RTRAF: variants seen among roughly 807,000 people sequenced by gnomAD.
RTRAF encodes tRNA-splicing ligase complex subunit RTRAF.
Under a neutral mutation model 34.4 loss-of-function variants are expected in RTRAF, and 14 were observed. That is an observed-to-expected ratio of 0.41 (90% CI 0.27 to 0.64). The LOEUF (loss-of-function observed/expected upper bound fraction) is 0.64, where lower values mean the gene tolerates loss of function less well. Among genes scored for constraint, RTRAF ranks in the 30% least tolerant of loss-of-function variants. The probability of loss-of-function intolerance (pLI) is 0.34; values close to 1 mark genes in which losing one functional copy is unlikely to be tolerated. For missense variants in RTRAF, 291 were observed against 288.4 expected (o/e 1.01, Z -0.06); for synonymous variants, 96 against 95.3 (o/e 1.01, Z -0.04).
chr14:51,993,734 T>C lies in RTRAF; in HGVS notation c.198T>C (p.Asp66=), dbSNP rs762912175. 16 of 1,592,422 alleles carry C rather than the reference T, an allele frequency of 1.0e-5. No homozygotes were observed. The highest frequency in any genetic ancestry group is 2.3e-5 in the East Asian group (1 of 44,270). Residue 66 remains aspartate, a synonymous_variant, in exon 3 of 8, where the codon GAT becomes GAC. Coordinates refer to ENST00000261700, the MANE Select transcript of RTRAF (RefSeq NM_016039.3). Reference sequence around the variant, plus strand: ...CTTCCCCCTCACAGTATCTCAGAGATGTTAACTGTCCTTTCAAGATTCAAG... The same window carrying C: ...CTTCCCCCTCACAGTATCTCAGAGACGTTAACTGTCCTTTCAAGATTCAAG... The part of the protein sequence containing the change: ...WPKFFEKYLR[D]VNCPFKIQDR...
chr14:52,002,838 CTA>C (rs1890621963), intron 6 of RTRAF, among the ~76,000 whole-genome samples: 1 of 152,172 alleles, frequency 6.6e-6, no homozygotes, highest in Non-Finnish European at 1.5e-5. Context: ...TAAAAGGTTA[CTA>C]ATGCCAGGGC....
rs1309323090 is a variant in RTRAF at position 52,009,775 on chromosome 14, C to G, written c.*5259C>G. ...CTTTGGGAGGCCAAGGCAGGTGGAT[C>G]ACCCAGGGTCAGGAGTTGGAGACCA... On this transcript the variant is annotated 3_prime_UTR_variant, in exon 8 of 8. Transcript: ENST00000261700. 6.6e-6 allele frequency: 1 copy of G among 152,272 alleles called. No homozygotes were observed. Among genetic ancestry groups the G allele is most frequent in the African/African-American group, 2.4e-5 (1 of 41,414 alleles). The allele number at this position is 152,272 out of a possible 1,614,324, so 9.4% of individuals were successfully genotyped here. A position where few individuals can be genotyped will look rare whatever the true frequency, so the allele number is the denominator to read the frequency against.
At chr14:51,998,435 A>G in intron 3 of RTRAF, 59 bp from the exon 4 acceptor site, 1 of 932,416 alleles carries the variant, frequency 1.1e-6, no homozygotes, top group Non-Finnish European at 1.6e-6. Context: ...GGTAAATAGC[A>G]GTAGTCATTT....
rs1890787141 is a variant in RTRAF at position 52,006,474 on chromosome 14, CAAG to C, written c.*1959_*1961del. On this transcript the variant is annotated 3_prime_UTR_variant, in exon 8 of 8. Coordinates refer to ENST00000261700, the MANE Select transcript of RTRAF (RefSeq NM_016039.3). ...AGTCAGGTACTGACTTTTGGTAAAA[CAAG>C]TGGTGTGTCCTCTGGAACAGTTGGC... 2 of 1,590,514 alleles carry C rather than the reference CAAG, an allele frequency of 1.3e-6. No homozygotes were observed. Among genetic ancestry groups the C allele is most frequent in the Non-Finnish European group, 1.7e-6 (2 of 1,166,960 alleles).
chr14:51,989,830 C>G lies in RTRAF; in HGVS notation c.61+130C>G, dbSNP rs557170874. The G allele has an allele frequency of 9.8e-5, 87 of 889,328 alleles. No homozygotes were observed. The African/African-American group carries it at 1.3e-3, about 13-fold the overall frequency. The allele number at this position is 889,328 out of a possible 1,614,324, so 55.1% of individuals were successfully genotyped here. A position where few individuals can be genotyped will look rare whatever the true frequency, so the allele number is the denominator to read the frequency against. On this transcript the variant is annotated intron_variant, in intron 1 of 7. Coordinates refer to ENST00000261700, the MANE Select transcript of RTRAF (RefSeq NM_016039.3). Reference sequence around the variant, plus strand: ...TTCCGCCGGCAGCCTCCGGGCCCCTCTCCTCTGGGTCGCCACGTACCTCGG... The same window carrying G: ...TTCCGCCGGCAGCCTCCGGGCCCCTGTCCTCTGGGTCGCCACGTACCTCGG...
Position 52,004,679 on chromosome 14 carries a change from A to T in RTRAF, c.*163A>T. ...TTGCTTATTGCTTTTTTCTTTAATA[A>T]AGTTTAGGAAAGTAGAATTTTTATT... On this transcript the variant is annotated 3_prime_UTR_variant, in exon 8 of 8. Coordinates refer to ENST00000261700, the MANE Select transcript of RTRAF (RefSeq NM_016039.3). 1 of 606,466 alleles carries T rather than the reference A, an allele frequency of 1.6e-6. No individual in the cohort carries two copies. 37.6% of individuals were successfully genotyped at this position (606,466 alleles called of 1,614,324 possible). A position where few individuals can be genotyped will look rare whatever the true frequency, so the allele number is the denominator to read the frequency against.
rs772532579 is a variant in RTRAF at position 51,991,408 on chromosome 14, C to A, written c.153C>A (p.Ile51=). Residue 51 remains isoleucine (I), a synonymous_variant, in exon 2 of 8, where the codon ATC becomes ATA. Coordinates refer to ENST00000261700, the MANE Select transcript of RTRAF (RefSeq NM_016039.3). ...KIEDRGNLRN[I]HSSDWPKFFE... ...AAGACAGAGGGAATTTAAGAAACATCCACAGCAGCGACTGGCCCAAGTTCT... is the reference window on the plus strand; with the variant it reads ...AAGACAGAGGGAATTTAAGAAACATACACAGCAGCGACTGGCCCAAGTTCT... 5 of 1,613,428 alleles carry A rather than the reference C, an allele frequency of 3.1e-6. 1 individual carries two copies. The highest frequency in any genetic ancestry group is 2.5e-6 in the Non-Finnish European group (3 of 1,179,516).
In RTRAF at chr14:51,991,308, T is replaced by C; in HGVS notation, c.62-9T>C. Reference sequence around the variant, plus strand: ...CTTCTAGTTATTTATGTGATATTTTTTATTGCAGATGAAACAGAATTTAGA... The same window carrying C: ...CTTCTAGTTATTTATGTGATATTTTCTATTGCAGATGAAACAGAATTTAGA... On this transcript the variant is annotated splice_polypyrimidine_tract_variant and intron_variant, in intron 1 of 7. Transcript: ENST00000261700. The C allele has an allele frequency of 6.2e-7, 1 of 1,611,824 alleles. No individual in the cohort carries two copies. The highest frequency in any genetic ancestry group is 8.5e-7 in the Non-Finnish European group (1 of 1,178,400).
Position 52,004,508 on chromosome 14 carries a change from G to A in RTRAF, c.727G>A (p.Gly243Arg). Residue 243 changes from glycine to arginine, a missense_variant, in exon 8 of 8, where the codon GGA (glycine) becomes AGA (arginine). Coordinates refer to ENST00000261700, the MANE Select transcript of RTRAF (RefSeq NM_016039.3). ...PKTDHRLGKV[G>R]R ...GACAGACCACAGACTGGGAAAAGTT[G>A]GAAGATGAACACTTGAGGACTTCAG... The A allele has an allele frequency of 1.2e-6, 2 of 1,612,736 alleles. No individual in the cohort carries two copies. Among genetic ancestry groups the A allele is most frequent in the South Asian group, 1.1e-5 (1 of 90,966 alleles).
At position 52,005,916 on chromosome 14, in the gene RTRAF, C is replaced by G; in HGVS notation, c.*1400C>G. The G allele has an allele frequency of 8.3e-7, 1 of 1,205,288 alleles. No homozygotes were observed. Among genetic ancestry groups the G allele is most frequent in the Non-Finnish European group, 1.2e-6 (1 of 817,740 alleles). The allele number at this position is 1,205,288 out of a possible 1,614,324, so 74.7% of individuals were successfully genotyped here. Reference sequence around the variant, plus strand: ...ACTAGATAAAGAAGTCAGTCAGCCACAGAAAATCAGTTGCAATAGAGGAAA... The same window carrying G: ...ACTAGATAAAGAAGTCAGTCAGCCAGAGAAAATCAGTTGCAATAGAGGAAA... On this transcript the variant is annotated 3_prime_UTR_variant, in exon 8 of 8. Coordinates refer to ENST00000261700, the MANE Select transcript of RTRAF (RefSeq NM_016039.3).
At chr14:51,994,450 C>G (rs1017181830) in intron 3 of RTRAF, among the ~76,000 whole-genome samples, 3 of 152,166 alleles carry the variant, frequency 2.0e-5, no homozygotes, top group Non-Finnish European at 4.4e-5. Context: ...ACTTTGGAAG[C>G]CTTTTTATAT....
intron 3 of RTRAF, among the ~76,000 whole-genome samples, chr14:51,995,692 C>A (rs1312792882): frequency 6.6e-6 from 1 of 152,036 alleles, no homozygotes; most frequent in Non-Finnish European, 1.5e-5. Context: ...TTTACATACA[C>A]TGATTTGGAG....
chr14:52,003,943 A>G (rs1890657281), intron 6 of RTRAF: 1 of 485,640 alleles, frequency 2.1e-6, no homozygotes, highest in Admixed American at 3.8e-5. Context: ...TGCCTGGGCT[A>G]AAGGATTGGA....
At chr14:51,995,727 C>T (rs893736575) in intron 3 of RTRAF, among the ~76,000 whole-genome samples, 8 of 151,792 alleles carry the variant, frequency 5.3e-5, no homozygotes, top group Admixed American at 2.0e-4. Context: ...TTGCTGATGC[C>T]TCAGACTTAA....
intron 3 of RTRAF, among the ~76,000 whole-genome samples, chr14:51,996,386 GTTAC>G (rs1419469228): frequency 6.6e-6 from 1 of 152,024 alleles, no homozygotes; most frequent in African/African-American, 2.4e-5. Flanking sequence ...TGACTTTTAA[GTTAC>G]TTATTTTAAA....
In RTRAF at chr14:51,999,871, A is replaced by G. The variant is rs73301044; in HGVS notation, c.462+75A>G. ...TGTCTTTATTTTCTAAATATTAACT[A>G]TTGATATTAAAATTATGGTTGAATG... is the stretch of plus-strand genomic sequence containing the variant. On this transcript the variant is annotated intron_variant, in intron 5 of 7. Transcript: ENST00000261700. 2.2e-3 allele frequency: 2,192 copies of G among 1,003,412 alleles called. 27 individuals are homozygous for G. The African/African-American group carries it at 0.031, about 14-fold the overall frequency. The allele number at this position is 1,003,412 out of a possible 1,614,324, so 62.2% of individuals were successfully genotyped here.
At chr14:52,003,740 C>T (rs559049887) in intron 6 of RTRAF, among the ~76,000 whole-genome samples, 20 of 152,274 alleles carry the variant, frequency 1.3e-4, no homozygotes, top group Admixed American at 3.3e-4. Context: ...TTGGCAAACA[C>T]CATGCTGGCT....
intron 6 of RTRAF, chr14:52,003,947 G>GATTGGATGAGCTAT: frequency 2.0e-6 from 1 of 497,460 alleles, no homozygotes; most frequent in East Asian, 3.3e-5. Flanking sequence ...TGGGCTAAAG[G>GATTGGATGAGCTAT]ATTGGATGAG....
chr14:52,007,712 G>T lies in RTRAF; in HGVS notation c.*3196G>T. ...AAAAGTTTACAGACCAAAGAAAGGA[G>T]ATCTAAGTGATGGGATTTCATTTTG... is the stretch of plus-strand genomic sequence containing the variant. On this transcript the variant is annotated 3_prime_UTR_variant, in exon 8 of 8. Transcript: ENST00000261700. The T allele has an allele frequency of 9.3e-7, 1 of 1,071,340 alleles. No individual in the cohort carries two copies. The highest frequency in any genetic ancestry group is 1.4e-6 in the Non-Finnish European group (1 of 714,144). The allele number at this position is 1,071,340 out of a possible 1,614,324, so 66.4% of individuals were successfully genotyped here. A position where few individuals can be genotyped will look rare whatever the true frequency, so the allele number is the denominator to read the frequency against.
Sources: allele counts gnomAD v4.1 joint callset (sites outside exome capture counted in the v4.1 genomes callset), GRCh38; gene constraint gnomAD v4.1.1; transcripts MANE v1.5; gene names NCBI Gene and HGNC (gene_info 2026-07-23, HGNC 2026-07-21).